The following CCSER1 variants were observed in gnomAD, a reference collection of about 807,000 sequenced individuals.
The protein encoded by CCSER1 is serine-rich coiled-coil domain-containing protein 1.
A neutral mutation model predicts 82.0 loss-of-function variants in CCSER1; 41 were observed. That is an observed-to-expected ratio of 0.50 (90% confidence interval 0.39 to 0.65). CCSER1 has a LOEUF of 0.65. CCSER1 is among the 30% of genes least tolerant of loss of function. The pLI, the probability that CCSER1 is intolerant of heterozygous loss-of-function variation, is 0.00. For missense variants in CCSER1, 1,119 were observed against 1,064.2 expected, an observed-to-expected ratio of 1.05 and a Z score of -0.72; for synonymous variants, 414 against 383.9, an observed-to-expected ratio of 1.08 and a Z score of -0.92.
chr4:90,142,518 A>G (rs993112814), intron 1 of CCSER1, among the ~76,000 whole-genome samples: 2 of 152,200 alleles, frequency 1.3e-5, no homozygotes, highest in Non-Finnish European at 2.9e-5. Flanking sequence ...GTTTTTCCCC[A>G]AGCATAATCA....
At chr4:91,109,974 A>G (rs1202137040) in intron 10 of CCSER1, among the ~76,000 whole-genome samples, 1 of 152,110 alleles carries the variant, frequency 6.6e-6, no homozygotes, top group Non-Finnish European at 1.5e-5. Flanking sequence ...GCAGGATAGT[A>G]TATTAAACTT....
chr4:91,348,911 T>TAA (rs1249518256), intron 10 of CCSER1, among the ~76,000 whole-genome samples: 2 of 129,462 alleles, frequency 1.5e-5, no homozygotes, highest in South Asian at 2.4e-4. Flanking sequence ...ATTAATTAAT[T>TAA]TATTTATTTA....
intron 1 of CCSER1, among the ~76,000 whole-genome samples, chr4:90,154,423 T>G (rs1228493412): frequency 6.6e-6 from 1 of 152,172 alleles, no homozygotes; most frequent in African/African-American, 2.4e-5. Flanking sequence ...AAGAAAGTCA[T>G]TGGTAGCTTG....
At chr4:91,032,668 C>T (rs937360854) in intron 9 of CCSER1, among the ~76,000 whole-genome samples, 1 of 152,136 alleles carries the variant, frequency 6.6e-6, no homozygotes, top group Non-Finnish European at 1.5e-5. Flanking sequence ...TAGGGAGATA[C>T]TGAAGATTTT....
At chr4:91,074,204 G>A (rs774826182) in intron 9 of CCSER1, among the ~76,000 whole-genome samples, 5 of 152,126 alleles carry the variant, frequency 3.3e-5, no homozygotes, top group Non-Finnish European at 7.4e-5. Flanking sequence ...CAGCCCAATG[G>A]GGGAAGAACT....
chr4:91,045,079 A>C (rs184930526), intron 9 of CCSER1, among the ~76,000 whole-genome samples: 1 of 152,212 alleles, frequency 6.6e-6, no homozygotes, highest in Admixed American at 6.5e-5. Flanking sequence ...TATACATATA[A>C]ACCTAGAACA....
chr4:90,473,628 A>C (rs1042174580), intron 5 of CCSER1, among the ~76,000 whole-genome samples: 4 of 152,202 alleles, frequency 2.6e-5, no homozygotes, highest in Admixed American at 6.5e-5. Flanking sequence ...GGTACTTAAC[A>C]CACAGGCTTA....
chr4:90,276,848 T>C (rs1727918559), intron 1 of CCSER1, among the ~76,000 whole-genome samples: 1 of 152,182 alleles, frequency 6.6e-6, no homozygotes, highest in Non-Finnish European at 1.5e-5. Flanking sequence ...TGTTTTGTTT[T>C]TTTTGTATGT....
intron 10 of CCSER1, among the ~76,000 whole-genome samples, chr4:91,331,505 C>A (rs781576776): frequency 2.0e-5 from 3 of 152,060 alleles, no homozygotes; most frequent in Non-Finnish European, 4.4e-5. Flanking sequence ...TCCTTCCTGA[C>A]GCTTGCCTGC....
intron 10 of CCSER1, among the ~76,000 whole-genome samples, chr4:91,541,889 G>T (rs1008795034): frequency 6.6e-6 from 1 of 152,126 alleles, no homozygotes; most frequent in Non-Finnish European, 1.5e-5. Flanking sequence ...TCCAGCACCT[G>T]TTGTTTCCTG....
At chr4:90,866,920 A>G (rs1236674931) in intron 8 of CCSER1, among the ~76,000 whole-genome samples, 1 of 151,892 alleles carries the variant, frequency 6.6e-6, no homozygotes, top group Non-Finnish European at 1.5e-5. Context: ...TAATGCCACC[A>G]CTGATTTGAC....
At chr4:91,217,969 G>T (rs187485195) in intron 10 of CCSER1, among the ~76,000 whole-genome samples, 3 of 152,222 alleles carry the variant, frequency 2.0e-5, no homozygotes, top group Non-Finnish European at 2.9e-5. Flanking sequence ...CTGTGAGCTC[G>T]CATTCCTCAG....
intron 5 of CCSER1, among the ~76,000 whole-genome samples, chr4:90,613,800 A>G (rs2148836007): frequency 6.6e-6 from 1 of 152,294 alleles, no homozygotes; most frequent in East Asian, 1.9e-4. Context: ...ACAGACATTC[A>G]CATGGAAATA....
chr4:91,523,453 C>G (rs911465635), intron 10 of CCSER1, among the ~76,000 whole-genome samples: 1 of 152,076 alleles, frequency 6.6e-6, no homozygotes, highest in Non-Finnish European at 1.5e-5. Flanking sequence ...GGAATGGTAC[C>G]AGCTCCTCTT....
intron 10 of CCSER1, among the ~76,000 whole-genome samples, chr4:91,404,337 A>T (rs751983510): frequency 6.6e-6 from 1 of 152,024 alleles, no homozygotes; most frequent in Non-Finnish European, 1.5e-5. Flanking sequence ...GATGTTTTCA[A>T]AAAAACAGAT....
chr4:90,562,640 C>G (rs889829471), intron 5 of CCSER1, among the ~76,000 whole-genome samples: 1 of 151,916 alleles, frequency 6.6e-6, no homozygotes, highest in Non-Finnish European at 1.5e-5. Context: ...CAGAATCAAA[C>G]GATTCTTCTG....
chr4:90,958,594 C>G (rs189132708), intron 9 of CCSER1, among the ~76,000 whole-genome samples: 275 of 152,150 alleles, frequency 1.8e-3, no homozygotes, highest in Non-Finnish European at 3.0e-3. Flanking sequence ...ACTTGCTAAC[C>G]TTAGAGACAG....
chr4:91,305,465 A>T (rs139950993), intron 10 of CCSER1, among the ~76,000 whole-genome samples: 2 of 152,192 alleles, frequency 1.3e-5, no homozygotes, highest in Admixed American at 1.3e-4. Context: ...AAGCATGAAA[A>T]CACAAATAAC....
chr4:90,310,270 A>G (rs1023923199), intron 2 of CCSER1, among the ~76,000 whole-genome samples: 1 of 152,120 alleles, frequency 6.6e-6, no homozygotes, highest in Admixed American at 6.6e-5. Context: ...GTGTTAGTAT[A>G]TGTCCATTAC....
Sources: gnomAD v4.1 joint callset for allele counts (sites outside exome capture counted in the v4.1 genomes callset) on GRCh38, gnomAD v4.1.1 for gene constraint, MANE v1.5 for transcripts, NCBI Gene and HGNC (gene_info 2026-07-23, HGNC 2026-07-21) for gene names.